LRMDA: variants seen among roughly 807,000 people sequenced by gnomAD.
LRMDA encodes the protein leucine-rich melanocyte differentiation-associated protein.
A neutral mutation model predicts 29.8 loss-of-function variants in LRMDA; 18 were observed. The ratio of observed to expected loss-of-function variants is 0.60; its 90% CI spans 0.42 to 0.90. The LOEUF (loss-of-function observed/expected upper bound fraction) is 0.90, where lower values mean the gene tolerates loss of function less well. Among genes scored for constraint, LRMDA ranks in the 40% least tolerant of loss-of-function variants. The pLI, the probability that LRMDA is intolerant of heterozygous loss-of-function variation, is 0.00. For missense variants in LRMDA, 273 were observed against 273.9 expected (o/e 1.00, Z 0.02); for synonymous variants, 125 against 109.4 (o/e 1.14, Z -0.89).
intron 2 of LRMDA, among the ~76,000 whole-genome samples, chr10:75,772,448 G>A (rs906637154): frequency 2.6e-5 from 4 of 152,050 alleles, no homozygotes; most frequent in African/African-American, 4.8e-5. Flanking sequence ...CAGAAGTTTC[G>A]GTTTCATTTT....
intron 2 of LRMDA, among the ~76,000 whole-genome samples, chr10:75,468,792 G>A (rs904078435): frequency 6.6e-6 from 1 of 151,910 alleles, no homozygotes; most frequent in Non-Finnish European, 1.5e-5. Flanking sequence ...CTAGTCCATG[G>A]CGGCCGTCCA....
intron 6 of LRMDA, among the ~76,000 whole-genome samples, chr10:76,545,549 TTTC>T (rs1843409947): frequency 2.0e-5 from 3 of 151,932 alleles, no homozygotes; most frequent in African/African-American, 4.8e-5. Context: ...AAGAAACTGT[TTTC>T]TTCTTTTTTC....
chr10:75,640,753 TGTTGA>T (rs2132119218), intron 2 of LRMDA, among the ~76,000 whole-genome samples: 1 of 152,308 alleles, frequency 6.6e-6, no homozygotes, highest in Admixed American at 6.5e-5. Context: ...TGACTTTCTA[TGTTGA>T]GTTCAAAGGG....
intron 2 of LRMDA, among the ~76,000 whole-genome samples, chr10:75,688,659 A>G (rs1262050479): frequency 6.6e-6 from 1 of 152,240 alleles, no homozygotes; most frequent in Non-Finnish European, 1.5e-5. Context: ...TCCAATTCTG[A>G]AGGAGGTTCT....
chr10:75,850,341 T>C (rs1264834835), intron 2 of LRMDA, among the ~76,000 whole-genome samples: 1 of 151,530 alleles, frequency 6.6e-6, no homozygotes, highest in Non-Finnish European at 1.5e-5. Context: ...TGATGGAGTC[T>C]TTTATTTTAG....
intron 6 of LRMDA, chr10:76,470,401 C>T (rs1842606053): frequency 1.3e-5 from 2 of 152,054 alleles, no homozygotes; most frequent in Admixed American, 6.6e-5. Context: ...TCTAGGTATA[C>T]ACCCCAAAGA....
At chr10:76,483,336 A>G (rs1842750643) in intron 6 of LRMDA, among the ~76,000 whole-genome samples, 2 of 151,988 alleles carry the variant, frequency 1.3e-5, no homozygotes, top group Admixed American at 6.6e-5. Flanking sequence ...TGACACTCTG[A>G]TGGGTAAAAG....
chr10:76,482,014 G>T (rs1397805354), intron 6 of LRMDA, among the ~76,000 whole-genome samples: 2 of 151,866 alleles, frequency 1.3e-5, no homozygotes, highest in East Asian at 3.9e-4. Context: ...CAGTTAAACA[G>T]AAATCATTAT....
At chr10:75,433,851 C>T (rs551000174) in intron 1 of LRMDA, among the ~76,000 whole-genome samples, 2 of 152,222 alleles carry the variant, frequency 1.3e-5, no homozygotes, top group South Asian at 2.1e-4. Context: ...AAAAAAAACC[C>T]TATGCAATTA....
At chr10:75,844,598 G>T (rs1019365685) in intron 2 of LRMDA, among the ~76,000 whole-genome samples, 1 of 152,120 alleles carries the variant, frequency 6.6e-6, no homozygotes, top group Admixed American at 6.5e-5. Context: ...TTTACTTGTG[G>T]CACTTTTTGC....
At chr10:75,817,178 T>A (rs1466325030) in intron 2 of LRMDA, among the ~76,000 whole-genome samples, 1 of 152,232 alleles carries the variant, frequency 6.6e-6, no homozygotes, top group Non-Finnish European at 1.5e-5. Flanking sequence ...AGGCAGTGCC[T>A]CTGTCTTTTA....
chr10:75,521,877 C>T (rs1273998390), intron 2 of LRMDA, among the ~76,000 whole-genome samples: 1 of 152,214 alleles, frequency 6.6e-6, no homozygotes, highest in East Asian at 1.9e-4. Flanking sequence ...TCAATTAAAA[C>T]ATAGCAAAGG....
At chr10:76,033,426 G>A (rs780344012) in intron 2 of LRMDA, among the ~76,000 whole-genome samples, 52 of 152,248 alleles carry the variant, frequency 3.4e-4, no homozygotes, top group African/African-American at 6.0e-4. Flanking sequence ...TCACTCTGGC[G>A]TGGATTTCTG....
At chr10:76,448,178 A>C (rs1359744691) in intron 6 of LRMDA, among the ~76,000 whole-genome samples, 1 of 152,150 alleles carries the variant, frequency 6.6e-6, no homozygotes, top group Non-Finnish European at 1.5e-5. Flanking sequence ...GTTGTCATCT[A>C]TATTTTGCTT....
intron 6 of LRMDA, among the ~76,000 whole-genome samples, chr10:76,325,085 G>A (rs570977334): frequency 7.9e-5 from 12 of 152,186 alleles, no homozygotes; most frequent in Non-Finnish European, 1.6e-4. Context: ...ATTTGAAAAT[G>A]TCTTATCCCT....
intron 2 of LRMDA, among the ~76,000 whole-genome samples, chr10:75,564,808 G>C (rs1256860163): frequency 6.6e-6 from 1 of 152,182 alleles, no homozygotes. Context: ...ATGGTATGGG[G>C]TGAGGCCTAG....
chr10:75,924,449 G>A (rs1299699330), intron 2 of LRMDA, among the ~76,000 whole-genome samples: 1 of 152,040 alleles, frequency 6.6e-6, no homozygotes, highest in African/African-American at 2.4e-5. Flanking sequence ...AAAACTGATG[G>A]ATGGCTTGTC....
intron 2 of LRMDA, among the ~76,000 whole-genome samples, chr10:75,698,516 TG>T (rs1842266415): frequency 6.6e-6 from 1 of 152,196 alleles, no homozygotes; most frequent in Admixed American, 6.5e-5. Context: ...TGCCCTCACT[TG>T]GTGCAGGTGT....
At chr10:76,104,573 G>A (rs532155484) in intron 5 of LRMDA, among the ~76,000 whole-genome samples, 8 of 151,744 alleles carry the variant, frequency 5.3e-5, no homozygotes, top group East Asian at 1.9e-4. Flanking sequence ...GGGTCTCACC[G>A]TGTGTCTTGG....
Sources: gnomAD v4.1 joint callset for allele counts (sites outside exome capture counted in the v4.1 genomes callset) on GRCh38, gnomAD v4.1.1 for gene constraint, MANE v1.5 for transcripts, NCBI Gene and HGNC (gene_info 2026-07-23, HGNC 2026-07-21) for gene names.